The following TBC1D2B variants were observed in gnomAD, a reference collection of about 807,000 sequenced individuals.
TBC1D2B encodes the protein TBC1 domain family member 2B, also known as TBC1 domain family, member 2B.
TBC1D2B carries 64 observed loss-of-function variants against 100.8 expected under a neutral mutation model. That is an observed-to-expected ratio of 0.64 (90% CI 0.52 to 0.78). The LOEUF (loss-of-function observed/expected upper bound fraction) is 0.78, where lower values mean the gene tolerates loss of function less well. Ranked by LOEUF, TBC1D2B falls within the 30% of genes least tolerant of loss-of-function variation. TBC1D2B has a pLI of 0.00. For missense variants in TBC1D2B, 1,052 were observed against 1,218.4 expected, an observed-to-expected ratio of 0.86 and a Z score of 2.03; for synonymous variants, 480 against 479.7, an observed-to-expected ratio of 1.00 and a Z score of -0.01.
chr15:78,041,797 A>G lies in TBC1D2B; in HGVS notation c.683+3103T>C, dbSNP rs529166404. Among the ~76,000 whole-genome samples, 3 of 152,378 alleles carry G rather than the reference A, an allele frequency of 2.0e-5. No individual in the cohort carries two copies. The South Asian group carries it at 6.2e-4, about 32-fold the overall frequency. On this transcript the variant is annotated intron_variant, in intron 3 of 12. Transcript: ENST00000300584. ...GTGGTCCCAAAAACCTCTGTGAAGAATGGCTTTGTCATGAGCTGTGCCTCC... is the reference window on the plus strand; with the variant it reads ...GTGGTCCCAAAAACCTCTGTGAAGAGTGGCTTTGTCATGAGCTGTGCCTCC...
intron 1 of TBC1D2B, among the ~76,000 whole-genome samples, chr15:78,056,111 T>C (rs901194703): frequency 2.0e-5 from 3 of 152,362 alleles, no homozygotes; most frequent in East Asian, 1.9e-4. Flanking sequence ...GTCAGGCACA[T>C]AGTAGGTCAG....
At chr15:78,000,828 A>G (rs1384566416) in intron 12 of TBC1D2B, among the ~76,000 whole-genome samples, 2 of 152,194 alleles carry the variant, frequency 1.3e-5, no homozygotes, top group Non-Finnish European at 2.9e-5. Context: ...GGGTCCTCCA[A>G]GTCAAATTCC....
At chr15:78,023,061 A>G (rs532832222) in intron 6 of TBC1D2B, among the ~76,000 whole-genome samples, 1 of 152,232 alleles carries the variant, frequency 6.6e-6, no homozygotes, top group Admixed American at 6.5e-5. Flanking sequence ...AATTATCTTC[A>G]GGGTCCCTAG....
intron 1 of TBC1D2B, among the ~76,000 whole-genome samples, chr15:78,062,324 G>GA (rs906177886): frequency 6.6e-6 from 1 of 152,114 alleles, no homozygotes; most frequent in Non-Finnish European, 1.5e-5. Context: ...ATGACGAACT[G>GA]AAAAAAGACC....
rs572557940 is a variant in TBC1D2B, at chr15:78,011,673, G to A, written c.2270+1150C>T. On this transcript the variant is annotated intron_variant, in intron 9 of 12. Coordinates refer to ENST00000300584, the MANE Select transcript of TBC1D2B (RefSeq NM_144572.2). ...TTTTTTTTTTTTTTTTTTTTAGACA[G>A]AGTCTCGCTCTGTTGTTCAGGCTGG... is the stretch of plus-strand genomic sequence containing the variant. 2.3e-3 allele frequency among the ~76,000 whole-genome samples: 322 copies of A among 138,668 alleles called. 2 individuals carry two copies. The highest frequency in any genetic ancestry group is 0.021 in the South Asian group (92 of 4,336). The allele number at this position is 138,668 out of a possible 152,430, so 91.0% of individuals were successfully genotyped here.
At chr15:78,061,001 T>C (rs553791599) in intron 1 of TBC1D2B, among the ~76,000 whole-genome samples, 1 of 151,272 alleles carries the variant, frequency 6.6e-6, no homozygotes, top group South Asian at 2.1e-4. Context: ...ATCCCAGCAC[T>C]ACGGGAGACA....
intron 8 of TBC1D2B, among the ~76,000 whole-genome samples, chr15:78,014,997 C>T (rs778389018): frequency 5.3e-5 from 8 of 152,088 alleles, no homozygotes; most frequent in Non-Finnish European, 1.2e-4. Flanking sequence ...GTCAGGAGAT[C>T]GAGACCATCC....
intron 1 of TBC1D2B, among the ~76,000 whole-genome samples, chr15:78,055,850 A>C (rs911749411): frequency 6.6e-6 from 1 of 152,220 alleles, no homozygotes; most frequent in African/African-American, 2.4e-5. Flanking sequence ...AGGAAAAAAC[A>C]ACCAGTAGTT....
intron 2 of TBC1D2B, among the ~76,000 whole-genome samples, chr15:78,046,670 C>A (rs1410880253): frequency 6.6e-6 from 1 of 151,878 alleles, no homozygotes; most frequent in Non-Finnish European, 1.5e-5. Flanking sequence ...ACAGGGTTTG[C>A]CATATTGCCC....
chr15:78,055,456 T>C (rs2073403417), intron 1 of TBC1D2B, among the ~76,000 whole-genome samples: 1 of 151,958 alleles, frequency 6.6e-6, no homozygotes, highest in African/African-American at 2.4e-5. Flanking sequence ...CATGACACGA[T>C]TATGGGAACT....
chr15:78,001,880 A>C, intron 11 of TBC1D2B, 140 bp from the exon 12 acceptor site: 1 of 921,516 alleles, frequency 1.1e-6, no homozygotes, highest in African/African-American at 1.7e-5. Context: ...AAGACTATTG[A>C]CCTGAGGGGC....
intron 11 of TBC1D2B, chr15:78,001,960 T>G: frequency 2.5e-6 from 1 of 402,498 alleles, no homozygotes; most frequent in South Asian, 4.0e-5. Context: ...CAACAACACA[T>G]CAGCCCAAAC....
At chr15:78,069,418 C>T (rs913124143) in intron 1 of TBC1D2B, among the ~76,000 whole-genome samples, 8 of 152,212 alleles carry the variant, frequency 5.3e-5, no homozygotes, top group Admixed American at 2.0e-4. Flanking sequence ...TTCAGCTTTG[C>T]ATTTATCTAC....
intron 9 of TBC1D2B, among the ~76,000 whole-genome samples, chr15:78,011,870 C>A (rs1417327730): frequency 2.0e-5 from 3 of 152,108 alleles, no homozygotes; most frequent in Non-Finnish European, 4.4e-5. Flanking sequence ...TGGTCTTGAA[C>A]TCCTGACCTC....
At chr15:78,063,382 C>T (rs1001852945) in intron 1 of TBC1D2B, among the ~76,000 whole-genome samples, 5 of 152,208 alleles carry the variant, frequency 3.3e-5, no homozygotes, top group African/African-American at 7.2e-5. Flanking sequence ...GAGAGCATGT[C>T]CAAGACAAAA....
chr15:78,040,863 AAAG>A (rs1567026212), intron 3 of TBC1D2B, among the ~76,000 whole-genome samples: 2 of 138,266 alleles, frequency 1.4e-5, no homozygotes, highest in Non-Finnish European at 3.1e-5. Flanking sequence ...AGGAAGAAAG[AAAG>A]AAAGAAAGAA....
At chr15:78,036,760 TTA>T (rs1400375083) in intron 3 of TBC1D2B, among the ~76,000 whole-genome samples, 1 of 152,226 alleles carries the variant, frequency 6.6e-6, no homozygotes, top group East Asian at 1.9e-4. Context: ...TGGTCACTTG[TTA>T]TAGCAGCCAG....
intron 9 of TBC1D2B, among the ~76,000 whole-genome samples, chr15:78,011,307 A>G (rs957630740): frequency 6.6e-6 from 1 of 152,164 alleles, no homozygotes; most frequent in African/African-American, 2.4e-5. Flanking sequence ...AGACACAAAT[A>G]GAAAACCCTT....
At chr15:78,056,675 C>T (rs1008957800) in intron 1 of TBC1D2B, among the ~76,000 whole-genome samples, 1 of 149,732 alleles carries the variant, frequency 6.7e-6, no homozygotes, top group African/African-American at 2.5e-5. Context: ...CAAAGCCCAC[C>T]CAGTCCTCCT....
Sources: gnomAD v4.1 joint callset for allele counts (sites outside exome capture counted in the v4.1 genomes callset) on GRCh38, gnomAD v4.1.1 for gene constraint, MANE v1.5 for transcripts, NCBI Gene and HGNC (gene_info 2026-07-23, HGNC 2026-07-21) for gene names.